Variants in MRPS35 observed in about 807,000 individuals in gnomAD.
MRPS35 encodes mitochondrial ribosomal protein S35.
A neutral mutation model predicts 32.7 loss-of-function variants in MRPS35; 29 were observed. The observed-to-expected ratio is 0.89, with a 90% CI of 0.66 to 1.21. The LOEUF is 1.21. MRPS35 is among the 50% of genes most tolerant of loss of function. The pLI is 0.00. For missense variants in MRPS35, 373 were observed against 383.8 expected, an observed-to-expected ratio of 0.97 and a Z score of 0.23; for synonymous variants, 148 against 139.3, an observed-to-expected ratio of 1.06 and a Z score of -0.44.
intron 7 of MRPS35, among the ~76,000 whole-genome samples, chr12:27,753,778 T>C (rs2062015383): frequency 6.6e-6 from 1 of 152,228 alleles, no homozygotes; most frequent in Non-Finnish European, 1.5e-5. Flanking sequence ...TTATTAGCTG[T>C]ATTGCTTGAT....
rs1591803580 is a variant in MRPS35, at chr12:27,748,702, GC to G, written c.703-6476del. Among the ~76,000 whole-genome samples, 3 of 151,840 alleles carry G rather than the reference GC, an allele frequency of 2.0e-5. No homozygotes were observed. In the East Asian group the frequency reaches 5.8e-4, roughly 29 times the overall value. The stretch of plus-strand genomic sequence containing the variant: ...AATTTTTTTTGTGTGACAAGGTCTG[GC>G]CCTGTCACCCAGGCTGGAGTGCAGT... On this transcript the variant is annotated intron_variant, in intron 7 of 7. Transcript: ENST00000081029.
At chr12:27,711,573 A>G (rs979874385) in intron 1 of MRPS35, among the ~76,000 whole-genome samples, 1 of 152,102 alleles carries the variant, frequency 6.6e-6, no homozygotes, top group African/African-American at 2.4e-5. Context: ...GCGTGAGTCT[A>G]ATCAATAGGC....
chr12:27,713,907 C>T (rs528554837), intron 1 of MRPS35, among the ~76,000 whole-genome samples: 7 of 151,540 alleles, frequency 4.6e-5, no homozygotes, highest in East Asian at 2.0e-4. Context: ...GGCAACATGG[C>T]GAAACACCGT....
intron 1 of MRPS35, among the ~76,000 whole-genome samples, chr12:27,711,285 C>T (rs2061821316): frequency 6.6e-6 from 1 of 152,216 alleles, no homozygotes; most frequent in African/African-American, 2.4e-5. Context: ...CGGGCATCGG[C>T]GCTGTTGAAC....
At chr12:27,727,579 A>T (rs1243609786) in intron 5 of MRPS35, among the ~76,000 whole-genome samples, 1 of 152,106 alleles carries the variant, frequency 6.6e-6, no homozygotes, top group Non-Finnish European at 1.5e-5. Flanking sequence ...AAAATCACCT[A>T]GCCATGTCTT....
chr12:27,755,638 A>G lies in MRPS35; in HGVS notation c.*188A>G. On this transcript the variant is annotated 3_prime_UTR_variant, in exon 8 of 8. Transcript: ENST00000081029. ...TTTTTAATTTTTACACTGGGGCAAT[A>G]GACTAGGAGGTCTCTGATTTCTTCT... is the stretch of plus-strand genomic sequence containing the variant. 2.3e-6 allele frequency: 1 copy of G among 438,886 alleles called. No individual in the cohort carries two copies. The highest frequency in any genetic ancestry group is 4.0e-5 in the East Asian group (1 of 25,268). 27.2% of individuals were successfully genotyped at this position (438,886 alleles called of 1,614,324 possible). A position where few individuals can be genotyped will look rare whatever the true frequency, so the allele number is the denominator to read the frequency against.
chr12:27,743,080 C>T (rs192725432), intron 7 of MRPS35, among the ~76,000 whole-genome samples: 168 of 151,800 alleles, frequency 1.1e-3, no homozygotes, highest in African/African-American at 3.6e-3. Context: ...ACACTGTTCT[C>T]GAACTCCTGG....
At chr12:27,714,633 CCAA>C in intron 1 of MRPS35, 144 bp from the exon 2 acceptor site, 1 of 571,322 alleles carries the variant, frequency 1.8e-6, no homozygotes, top group Non-Finnish European at 2.8e-6. Context: ...CCTGAGCTTA[CCAA>C]AAAAAAAAAA....
intron 7 of MRPS35, among the ~76,000 whole-genome samples, chr12:27,741,206 G>A (rs2061963774): frequency 6.6e-6 from 1 of 152,050 alleles, no homozygotes; most frequent in Non-Finnish European, 1.5e-5. Flanking sequence ...AATAAGCAAG[G>A]AGAGTTGTAG....
chr12:27,732,408 T>C (rs2061925164), intron 5 of MRPS35, among the ~76,000 whole-genome samples: 1 of 152,230 alleles, frequency 6.6e-6, no homozygotes, highest in South Asian at 2.1e-4. Context: ...TGCTAGCCTG[T>C]GATGCCTTCA....
At chr12:27,741,332 A>C (rs923863398) in intron 7 of MRPS35, among the ~76,000 whole-genome samples, 2 of 140,848 alleles carry the variant, frequency 1.4e-5, no homozygotes, top group Non-Finnish European at 3.0e-5. Context: ...TACCTGTGTA[A>C]TAGCCTCGAC....
At position 27,737,536 on chromosome 12, in the gene MRPS35, T is replaced by G; in HGVS notation, c.633-3T>G. ...TTGACTTCTCCCGCTTTCTCTTTAA[T>G]AGGTGCCCTTTAAGGAGGCAGAATT... On this transcript the variant is annotated splice_polypyrimidine_tract_variant and splice_region_variant and intron_variant, in intron 6 of 7. Transcript: ENST00000081029. 6.2e-7 allele frequency: 1 copy of G among 1,611,442 alleles called. No homozygotes were observed. Among genetic ancestry groups the G allele is most frequent in the Non-Finnish European group, 8.5e-7 (1 of 1,178,088 alleles).
At chr12:27,737,295 A>G (rs2061946283) in intron 6 of MRPS35, among the ~76,000 whole-genome samples, 1 of 152,268 alleles carries the variant, frequency 6.6e-6, no homozygotes, top group African/African-American at 2.4e-5. Context: ...ATTGTTACAT[A>G]CAGATAACTC....
chr12:27,748,244 A>G (rs919934600), intron 7 of MRPS35, among the ~76,000 whole-genome samples: 1 of 152,206 alleles, frequency 6.6e-6, no homozygotes, highest in Admixed American at 6.5e-5. Context: ...CAAGTCTCTC[A>G]TTAGACTGAA....
At chr12:27,732,987 G>GATATAT (rs56932909) in intron 5 of MRPS35, among the ~76,000 whole-genome samples, 5 of 120,656 alleles carry the variant, frequency 4.1e-5, no homozygotes, top group African/African-American at 1.7e-4. Context: ...GTCATTTGAA[G>GATATAT]ATATATATAT....
In MRPS35 at chr12:27,755,242, A is replaced by G. The variant is rs1446865127; in HGVS notation, c.764A>G (p.Asn255Ser). 2 of 1,610,600 alleles carry G rather than the reference A, an allele frequency of 1.2e-6. No homozygotes were observed. The highest frequency in any genetic ancestry group is 1.7e-4 in the Middle Eastern group (1 of 6,036). ...EADMEEYIWE[N>S]SSSERNILET... ...GACATGGAAGAGTATATATGGGAAA[A>G]TAGCTCATCAGAAAGAAATATCCTG... The change falls in exon 8 of 8, where the codon AAT (asparagine) becomes AGT (serine). Residue 255 changes from asparagine (N) to serine (S), a missense_variant. Transcript: ENST00000081029.
At chr12:27,733,951 T>G (rs1287130536) in intron 5 of MRPS35, among the ~76,000 whole-genome samples, 2 of 152,226 alleles carry the variant, frequency 1.3e-5, no homozygotes, top group Non-Finnish European at 2.9e-5. Context: ...TGCATGCATT[T>G]TAAGTGTTAA....
chr12:27,746,601 T>C (rs1422185076), intron 7 of MRPS35, among the ~76,000 whole-genome samples: 1 of 152,180 alleles, frequency 6.6e-6, no homozygotes, highest in Non-Finnish European at 1.5e-5. Flanking sequence ...TGATAGACAA[T>C]AGGCAGTGTT....
chr12:27,755,776 A>C lies in MRPS35; in HGVS notation c.*326A>C, dbSNP rs1425156316. ...CCCATTTCTTTCCCCACAAGCTGGC[A>C]TTTCAGTAGTTGCTTTTGAATAATG... On this transcript the variant is annotated 3_prime_UTR_variant, in exon 8 of 8. Coordinates refer to ENST00000081029, the MANE Select transcript of MRPS35 (RefSeq NM_021821.4). 1 of 161,334 alleles carries C rather than the reference A, an allele frequency of 6.2e-6. No individual in the cohort carries two copies. Among genetic ancestry groups the C allele is most frequent in the Non-Finnish European group, 1.3e-5 (1 of 74,708 alleles). The allele number at this position is 161,334 out of a possible 1,614,324, so 10.0% of individuals were successfully genotyped here.
Sources: allele counts gnomAD v4.1 joint callset (sites outside exome capture counted in the v4.1 genomes callset), GRCh38; gene constraint gnomAD v4.1.1; transcripts MANE v1.5; gene names NCBI Gene and HGNC (gene_info 2026-07-23, HGNC 2026-07-21).